The following ANKRD36C variants were observed in gnomAD, a reference collection of about 807,000 sequenced individuals.
ANKRD36C encodes the protein ankyrin repeat domain-containing protein 36C.
ANKRD36C carries 61 observed loss-of-function variants against 276.4 expected under a neutral mutation model. The observed-to-expected ratio is 0.22, with a 90% confidence interval of 0.18 to 0.27. ANKRD36C has a LOEUF of 0.27. Ranked by LOEUF, ANKRD36C falls within the 10% of genes least tolerant of loss-of-function variation. The pLI, the probability that ANKRD36C is intolerant of heterozygous loss-of-function variation, is 1.00. For missense variants in ANKRD36C, 1,447 were observed against 2,032.3 expected (o/e 0.71, Z 5.54); for synonymous variants, 483 against 680.1 (o/e 0.71, Z 4.51).
rs759463349 is a variant in ANKRD36C at position 95,889,951 on chromosome 2, T to A, written c.2886+15A>T. On this transcript the variant is annotated intron_variant, in intron 47 of 66. Transcript: ENST00000456556. ...TACAGTTAATAGTTCAAAATATAAA[T>A]GAGAGTTTAATTACCTTCAAGGCTG... is the stretch of plus-strand genomic sequence containing the variant. 1.9e-6 allele frequency: 3 copies of A among 1,609,972 alleles called. No individual in the cohort carries two copies. Among genetic ancestry groups the A allele is most frequent in the Admixed American group, 3.4e-5 (2 of 59,670 alleles).
At chr2:95,968,277 C>T (rs369488502) in intron 6 of ANKRD36C, among the ~76,000 whole-genome samples, 1 of 152,144 alleles carries the variant, frequency 6.6e-6, no homozygotes, top group South Asian at 2.1e-4. Context: ...GAATTAAGAA[C>T]TCTTATTTCC....
chr2:95,956,688 G>A (rs1214631452), intron 13 of ANKRD36C, 98 bp downstream of exon 13: 49 of 1,029,604 alleles, frequency 4.8e-5, no homozygotes, highest in African/African-American at 6.5e-5. Context: ...CATGTAATAC[G>A]GTGTCTAGCA....
chr2:95,928,493 A>T (rs1366087010), intron 26 of ANKRD36C, among the ~76,000 whole-genome samples: 1 of 151,542 alleles, frequency 6.6e-6, no homozygotes, highest in Non-Finnish European at 1.5e-5. Context: ...CCAAAATCAA[A>T]TCTTCTTTTA....
chr2:95,857,227 A>C (rs1275320685), intron 62 of ANKRD36C, 82 bp downstream of exon 82: 1 of 1,526,992 alleles, frequency 6.5e-7, no homozygotes, highest in African/African-American at 1.4e-5. Flanking sequence ...TCAGGCCTAA[A>C]TAATGTACAT....
At position 95,922,805 on chromosome 2, in the gene ANKRD36C, G is replaced by T. The variant is rs191378110; in HGVS notation, c.2143+690C>A. Among the ~76,000 whole-genome samples, 557 of 151,702 alleles carry T rather than the reference G, an allele frequency of 3.7e-3. 4 individuals are homozygous for T. The highest frequency in any genetic ancestry group is 0.013 in the African/African-American group (531 of 41,468). ...ATTTTTATAACAAAAATCAACAAAA[G>T]ATATATGTCTTATGCCTAATAGTAG... On this transcript the variant is annotated intron_variant, in intron 32 of 66. Transcript: ENST00000456556.
intron 42 of ANKRD36C, among the ~76,000 whole-genome samples, chr2:95,903,576 C>T (rs1343920005): frequency 6.6e-6 from 1 of 151,456 alleles, no homozygotes; most frequent in African/African-American, 2.4e-5. Flanking sequence ...GTACACTTCA[C>T]ATCACTTCAG....
intron 6 of ANKRD36C, among the ~76,000 whole-genome samples, chr2:95,967,322 G>A (rs1279153584): frequency 2.0e-5 from 3 of 152,092 alleles, no homozygotes; most frequent in Admixed American, 1.3e-4. Context: ...CAAAAAGTGG[G>A]CAAAGGATAT....
At chr2:95,879,385 TA>T (rs755213094) in intron 58 of ANKRD36C, among the ~76,000 whole-genome samples, 3 of 151,930 alleles carry the variant, frequency 2.0e-5, no homozygotes, top group Admixed American at 6.6e-5. Context: ...TAGCATTTTA[TA>T]GCACAAAAAC....
chr2:95,872,759 T>C (rs1182409299), intron 59 of ANKRD36C, among the ~76,000 whole-genome samples: 3 of 149,412 alleles, frequency 2.0e-5, no homozygotes, highest in African/African-American at 7.6e-5. Context: ...ACAAAATTGA[T>C]AGACAGCTAG....
chr2:95,871,036 C>G (rs1017162058), intron 59 of ANKRD36C, among the ~76,000 whole-genome samples: 1 of 152,148 alleles, frequency 6.6e-6, no homozygotes, highest in Admixed American at 6.5e-5. Flanking sequence ...AAATCTACAT[C>G]TGATTGGTGT....
At chr2:95,956,293 TG>T (rs1678325328) in intron 13 of ANKRD36C, among the ~76,000 whole-genome samples, 2 of 152,324 alleles carry the variant, frequency 1.3e-5, no homozygotes, top group Non-Finnish European at 2.9e-5. Flanking sequence ...AAAATTTTGA[TG>T]GTTAAAAAAA....
chr2:95,946,393 A>T (rs1290422045), intron 17 of ANKRD36C, among the ~76,000 whole-genome samples: 7 of 143,408 alleles, frequency 4.9e-5, no homozygotes, highest in African/African-American at 1.8e-4. Context: ...GCAATCATTA[A>T]AAAGTCAGGA....
At chr2:95,909,165 C>T (rs532275435) in intron 42 of ANKRD36C, among the ~76,000 whole-genome samples, 93 of 124,038 alleles carry the variant, frequency 7.5e-4, no homozygotes, top group African/African-American at 2.4e-3. Flanking sequence ...ACAATTACGA[C>T]GACAATTCAG....
chr2:95,878,753 A>G (rs1439125242), intron 58 of ANKRD36C, among the ~76,000 whole-genome samples: 1 of 152,202 alleles, frequency 6.6e-6, no homozygotes, highest in Non-Finnish European at 1.5e-5. Flanking sequence ...TCAAAGCTAC[A>G]ATGAGGTATC....
chr2:95,958,910 T>A, intron 10 of ANKRD36C, 125 bp from the exon 11 acceptor site: 1 of 923,392 alleles, frequency 1.1e-6, no homozygotes, highest in East Asian at 2.6e-5. Flanking sequence ...TGATGTTTTC[T>A]ACTTTGTGTA....
In ANKRD36C at chr2:95,987,331, C is replaced by G. The variant is rs929910861; in HGVS notation, c.198-125G>C. ...AAAGTACATTTGTTAGCGCTTATTA[C>G]CACATTAATGAAAGAGCAGGCTATT... On this transcript the variant is annotated intron_variant, in intron 1 of 66. Transcript: ENST00000456556. 8.4e-6 allele frequency: 12 copies of G among 1,427,324 alleles called. No homozygotes were observed. In the African/African-American group the frequency reaches 1.4e-4, roughly 17 times the overall value. The allele number at this position is 1,427,324 out of a possible 1,614,324, so 88.4% of individuals were successfully genotyped here.
At chr2:95,884,642 T>A (rs2104332426) in intron 52 of ANKRD36C, among the ~76,000 whole-genome samples, 1 of 152,200 alleles carries the variant, frequency 6.6e-6, no homozygotes, top group East Asian at 1.9e-4. Context: ...AACGTGGATA[T>A]GCTGAGTGAT....
intron 16 of ANKRD36C, among the ~76,000 whole-genome samples, chr2:95,949,524 C>T (rs1052274484): frequency 4.6e-5 from 7 of 152,018 alleles, no homozygotes; most frequent in African/African-American, 1.7e-4. Flanking sequence ...CTGCAAATTC[C>T]ATTCTTATCC....
chr2:95,907,971 A>T (rs961027464), intron 42 of ANKRD36C, among the ~76,000 whole-genome samples: 2 of 150,152 alleles, frequency 1.3e-5, no homozygotes, highest in Non-Finnish European at 3.0e-5. Context: ...AAGTGAGTTC[A>T]CTCAGGTTTT....
Sources: allele counts gnomAD v4.1 joint callset (sites outside exome capture counted in the v4.1 genomes callset), GRCh38; gene constraint gnomAD v4.1.1; transcripts MANE v1.5; gene names NCBI Gene and HGNC (gene_info 2026-07-23, HGNC 2026-07-21).